The following PCLO variants were observed in gnomAD, a reference collection of about 807,000 sequenced individuals.
PCLO encodes protein piccolo.
PCLO carries 82 observed loss-of-function variants against 427.5 expected under a neutral mutation model. The ratio of observed to expected loss-of-function variants is 0.19; its 90% CI spans 0.16 to 0.23. PCLO has a LOEUF of 0.23. Ranked by LOEUF, PCLO falls within the 10% of genes least tolerant of loss-of-function variation. The probability of loss-of-function intolerance (pLI) is 1.00; values close to 1 mark genes in which losing one functional copy is unlikely to be tolerated. For missense variants in PCLO, 6,239 were observed against 6,115.9 expected, an observed-to-expected ratio of 1.02 and a Z score of -0.67; for synonymous variants, 2,357 against 2,155.4, an observed-to-expected ratio of 1.09 and a Z score of -2.59.
At chr7:82,787,784 T>C (rs1791015430) in intron 22 of PCLO, among the ~76,000 whole-genome samples, 1 of 152,096 alleles carries the variant, frequency 6.6e-6, no homozygotes, top group African/African-American at 2.4e-5. Context: ...GTAAATTGGC[T>C]GAGGAATAAC....
chr7:82,955,149 T>C lies in PCLO; in HGVS notation c.5804A>G (p.Asn1935Ser), dbSNP rs779718190. 1.1e-5 allele frequency: 17 copies of C among 1,613,770 alleles called. No individual in the cohort carries two copies. The highest frequency in any genetic ancestry group is 1.7e-5 in the Admixed American group (1 of 59,998). Reference protein sequence around the residue: ...THKYKAFPAANERDEVFEKEP... With the variant: ...THKYKAFPAASERDEVFEKEP... ...TTTTTCAAACACTTCATCTCGTTCA[T>C]TTGCAGCTGGAAAAGCTTTGTATTT... Residue 1935 changes from asparagine (N) to serine (S), a missense_variant, in exon 5 of 25, where the codon AAT (asparagine) becomes AGT (serine). This residue lies in a region of PCLO where 4,677 missense variants were observed against 4,468.4 expected (regional missense o/e 1.05). Transcript: ENST00000333891.
At chr7:82,903,874 T>G (rs1200544483) in intron 8 of PCLO, among the ~76,000 whole-genome samples, 1 of 151,950 alleles carries the variant, frequency 6.6e-6, no homozygotes, top group East Asian at 1.9e-4. Flanking sequence ...CTTGTGAACT[T>G]AATGTGTCCT....
intron 8 of PCLO, among the ~76,000 whole-genome samples, chr7:82,908,385 T>A (rs1794242206): frequency 6.6e-6 from 1 of 152,060 alleles, no homozygotes; most frequent in African/African-American, 2.4e-5. Context: ...CAAAAATACA[T>A]AACAAAACAA....
chr7:82,927,861 A>G (rs1794749851), intron 6 of PCLO, among the ~76,000 whole-genome samples: 1 of 152,212 alleles, frequency 6.6e-6, no homozygotes, highest in Non-Finnish European at 1.5e-5. Context: ...TAGCTAGGAT[A>G]TATAGACCAA....
intron 20 of PCLO, among the ~76,000 whole-genome samples, chr7:82,818,454 T>C (rs1387376925): frequency 2.0e-5 from 3 of 152,154 alleles, no homozygotes; most frequent in African/African-American, 4.8e-5. Flanking sequence ...AGGCTTCCTT[T>C]TGTTGGGTTA....
intron 20 of PCLO, among the ~76,000 whole-genome samples, chr7:82,814,186 A>C (rs1212844646): frequency 2.0e-5 from 3 of 151,746 alleles, no homozygotes; most frequent in African/African-American, 7.2e-5. Context: ...AATATAATTT[A>C]ATCTATATCA....
chr7:83,000,419 T>G (rs1256067674), intron 3 of PCLO, among the ~76,000 whole-genome samples: 5 of 151,968 alleles, frequency 3.3e-5, no homozygotes, highest in Non-Finnish European at 4.4e-5. Context: ...TAGACCTGCC[T>G]TGTAAGAAAT....
intron 3 of PCLO, among the ~76,000 whole-genome samples, chr7:83,024,112 C>T (rs917665734): frequency 1.3e-5 from 2 of 152,148 alleles, no homozygotes; most frequent in South Asian, 2.1e-4. Flanking sequence ...CCAAGATGGC[C>T]GAATAGGAAC....
intron 7 of PCLO, 199 bp downstream of exon 7, chr7:82,914,487 T>G (rs748662365): frequency 1.8e-5 from 12 of 652,798 alleles, no homozygotes; most frequent in East Asian, 1.6e-4. Context: ...AGGAATAAAG[T>G]AAAACTAAAT....
intron 10 of PCLO, chr7:82,848,942 G>A: frequency 2.6e-6 from 1 of 384,108 alleles, no homozygotes; most frequent in Non-Finnish European, 5.3e-6. Context: ...TATAAAATGA[G>A]AAAATTATGT....
intron 3 of PCLO, among the ~76,000 whole-genome samples, chr7:83,101,451 T>C (rs1464883368): frequency 1.3e-5 from 2 of 152,068 alleles, no homozygotes. Context: ...TAGTTGGATA[T>C]TCACCAATAA....
intron 3 of PCLO, among the ~76,000 whole-genome samples, chr7:83,024,130 G>A (rs2116079083): frequency 6.6e-6 from 1 of 152,330 alleles, no homozygotes; most frequent in East Asian, 1.9e-4. Context: ...AACAGCTCCG[G>A]TCTACAGCTC....
intron 3 of PCLO, among the ~76,000 whole-genome samples, chr7:83,035,062 G>C (rs1778536619): frequency 6.6e-6 from 1 of 152,078 alleles, no homozygotes; most frequent in Non-Finnish European, 1.5e-5. Context: ...ATATCCATTT[G>C]AGTGCTCTGG....
chr7:82,796,801 T>G (rs1185716628), intron 22 of PCLO, among the ~76,000 whole-genome samples: 6 of 146,772 alleles, frequency 4.1e-5, no homozygotes, highest in Non-Finnish European at 9.0e-5. Context: ...GCTGATGAAA[T>G]AGAACCAGCC....
At chr7:83,118,539 G>C (rs1791190847) in intron 3 of PCLO, among the ~76,000 whole-genome samples, 1 of 151,990 alleles carries the variant, frequency 6.6e-6, no homozygotes, top group Non-Finnish European at 1.5e-5. Flanking sequence ...ACCCTTGGAA[G>C]AGGGAGGGAG....
At chr7:83,093,686 G>A (rs1790449830) in intron 3 of PCLO, among the ~76,000 whole-genome samples, 1 of 147,946 alleles carries the variant, frequency 6.8e-6, no homozygotes, top group Non-Finnish European at 1.5e-5. Context: ...GTAGAGACGG[G>A]GTTTCACCGT....
intron 3 of PCLO, among the ~76,000 whole-genome samples, chr7:83,079,117 A>G (rs1418688866): frequency 1.3e-5 from 2 of 152,096 alleles, no homozygotes; most frequent in African/African-American, 2.4e-5. Flanking sequence ...TTGCTATCAG[A>G]GCCATATATA....
chr7:83,099,477 C>A (rs1790682045), intron 3 of PCLO, among the ~76,000 whole-genome samples: 1 of 151,364 alleles, frequency 6.6e-6, no homozygotes, highest in African/African-American at 2.4e-5. Flanking sequence ...CAACCTCCGC[C>A]TCCCGGATTC....
At chr7:83,121,291 T>A (rs1562973914) in intron 3 of PCLO, among the ~76,000 whole-genome samples, 1 of 152,178 alleles carries the variant, frequency 6.6e-6, no homozygotes, top group Non-Finnish European at 1.5e-5. Flanking sequence ...TTGTTGCTAC[T>A]GCAACCAGAG....
Sources: gnomAD v4.1 joint callset for allele counts (sites outside exome capture counted in the v4.1 genomes callset) on GRCh38, gnomAD v4.1.1 for gene constraint, gnomAD v4.1.1 regional missense constraint, MANE v1.5 for transcripts, NCBI Gene and HGNC (gene_info 2026-07-23, HGNC 2026-07-21) for gene names.